The following CC2D2B variants were observed in gnomAD, a reference collection of about 807,000 sequenced individuals.
CC2D2B encodes protein CC2D2B.
CC2D2B carries 128 observed loss-of-function variants against 161.2 expected under a neutral mutation model. The ratio of observed to expected loss-of-function variants is 0.79; its 90% CI spans 0.69 to 0.92. The LOEUF is 0.92. Ranked by LOEUF, CC2D2B falls within the 40% of genes least tolerant of loss-of-function variation. The pLI, the probability that CC2D2B is intolerant of heterozygous loss-of-function variation, is 0.00. For missense variants in CC2D2B, 1,173 were observed against 1,375.1 expected (o/e 0.85, Z 2.32); for synonymous variants, 391 against 449.8 (o/e 0.87, Z 1.65).
chr10:96,005,837 A>G (rs2078724056), intron 25 of CC2D2B, among the ~76,000 whole-genome samples: 1 of 152,202 alleles, frequency 6.6e-6, no homozygotes, highest in Non-Finnish European at 1.5e-5. Flanking sequence ...AGCCACAGAA[A>G]GACCTTAAAC....
intron 6 of CC2D2B, 120 bp downstream of exon 6, chr10:95,927,452 C>T (rs2141201061): frequency 1.6e-6 from 1 of 628,660 alleles, no homozygotes; most frequent in Non-Finnish European, 2.8e-6. Context: ...CCTTCATCTT[C>T]TCTTTGAATT....
At chr10:95,993,207 TTTTA>T (rs1214536730) in intron 22 of CC2D2B, 1 of 154,946 alleles carries the variant, frequency 6.5e-6, no homozygotes, top group Non-Finnish European at 1.5e-5. Context: ...CCCCATTGGG[TTTTA>T]TTTGTGTTTT....
intron 6 of CC2D2B, among the ~76,000 whole-genome samples, chr10:95,936,425 T>C (rs898079994): frequency 1.3e-5 from 2 of 152,094 alleles, no homozygotes; most frequent in African/African-American, 4.8e-5. Flanking sequence ...AGGCCTGGGG[T>C]TACTTTCAGA....
chr10:96,032,852 G>C lies in CC2D2B; in HGVS notation c.*844G>C, dbSNP rs1040115693. 3.2e-5 allele frequency: 15 copies of C among 464,650 alleles called. No homozygotes were observed. Among genetic ancestry groups the C allele is most frequent in the African/African-American group, 2.8e-4 (14 of 49,680 alleles). The allele number at this position is 464,650 out of a possible 1,614,324, so 28.8% of individuals were successfully genotyped here. ...TCTCAGGACTCTTTTTTTCCTTAGT[G>C]AGCAGCCCCCAACTCTGCCTCTGGC... On this transcript the variant is annotated 3_prime_UTR_variant, in exon 35 of 35. Coordinates refer to ENST00000646931, the MANE Select transcript of CC2D2B (RefSeq NM_001349008.3).
chr10:95,993,895 AG>A (rs2141688363), intron 22 of CC2D2B, among the ~76,000 whole-genome samples: 4 of 112,152 alleles, frequency 3.6e-5, no homozygotes, highest in Non-Finnish European at 5.5e-5. Context: ...ATATAGAGAG[AG>A]AGAATGTGTG....
At chr10:95,947,253 C>T (rs1194713751) in intron 9 of CC2D2B, among the ~76,000 whole-genome samples, 5 of 149,586 alleles carry the variant, frequency 3.3e-5, no homozygotes, top group Non-Finnish European at 5.9e-5. Flanking sequence ...GTCGGGATTA[C>T]AGGGACCCAT....
intron 32 of CC2D2B, among the ~76,000 whole-genome samples, chr10:96,024,484 A>G (rs532210180): frequency 6.6e-6 from 1 of 152,304 alleles, no homozygotes; most frequent in African/African-American, 2.4e-5. Flanking sequence ...TCCCTATGTT[A>G]AAAACTCAGA....
intron 16 of CC2D2B, among the ~76,000 whole-genome samples, chr10:95,973,172 G>A (rs919107232): frequency 2.0e-5 from 3 of 152,198 alleles, no homozygotes; most frequent in African/African-American, 7.2e-5. Flanking sequence ...GGCAGAGAAC[G>A]AGGGAAGAAC....
chr10:95,924,778 G>T lies in CC2D2B; in HGVS notation c.175-1G>T. 3 of 1,527,642 alleles carry T rather than the reference G, an allele frequency of 2.0e-6. No individual in the cohort carries two copies. Among genetic ancestry groups the T allele is most frequent in the South Asian group, 1.2e-5 (1 of 83,366 alleles). The allele number at this position is 1,527,642 out of a possible 1,614,324, so 94.6% of individuals were successfully genotyped here. A position where few individuals can be genotyped will look rare whatever the true frequency, so the allele number is the denominator to read the frequency against. ...AAAGATTTATTTATGTTGTGTTTCA[G>T]ATTAATAAAGGTGAAAAATCTTCAA... On this transcript the variant is annotated splice_acceptor_variant, in intron 4 of 34. Coordinates refer to ENST00000646931, the MANE Select transcript of CC2D2B (RefSeq NM_001349008.3). LOFTEE classifies it high-confidence loss of function.
chr10:95,968,716 AT>A lies in CC2D2B; in HGVS notation c.1467-3del, dbSNP rs933842656. 8.6e-7 allele frequency: 1 copy of A among 1,163,186 alleles called. No individual in the cohort carries two copies. Among genetic ancestry groups the A allele is most frequent in the African/African-American group, 1.6e-5 (1 of 62,946 alleles). The allele number at this position is 1,163,186 out of a possible 1,614,324, so 72.1% of individuals were successfully genotyped here. ...TAAGGGTGATTTAAAGGTTTGTTTA[AT>A]TTTTAGGCATGAACAAAAAAGAAGA... On this transcript the variant is annotated splice_region_variant and splice_polypyrimidine_tract_variant and intron_variant, in intron 14 of 34. Transcript: ENST00000646931.
At position 96,031,904 on chromosome 10, in the gene CC2D2B, G is replaced by T; in HGVS notation, c.4210G>T (p.Glu1404Ter). Residue 1404 changes from glutamate to a stop codon, truncating the protein, a stop_gained, in exon 35 of 35, where the codon GAA (glutamate) becomes TAA (stop). Transcript: ENST00000646931. LOFTEE classifies it high-confidence loss of function. ...TTATCAAACTGGAATTCACTCTGCT[G>T]AATTTCCCCAGACAGAATTTGCTTT... Reference protein sequence around the residue: ...AVYQTGIHSAEFPQTEFALAV... With the variant: ...AVYQTGIHSA 1 of 1,613,650 alleles carries T rather than the reference G, an allele frequency of 6.2e-7. No homozygotes were observed. Among genetic ancestry groups the T allele is most frequent in the Non-Finnish European group, 8.5e-7 (1 of 1,179,642 alleles).
chr10:96,023,099 G>C (rs1381048448), intron 32 of CC2D2B, among the ~76,000 whole-genome samples: 1 of 152,164 alleles, frequency 6.6e-6, no homozygotes, highest in Non-Finnish European at 1.5e-5. Context: ...TTGTCCTCAG[G>C]GCAGACAGAA....
chr10:95,935,570 T>A (rs971040191), intron 6 of CC2D2B, among the ~76,000 whole-genome samples: 2 of 152,034 alleles, frequency 1.3e-5, no homozygotes, highest in African/African-American at 4.8e-5. Flanking sequence ...CTGGTCCCCT[T>A]AGCACCTCTC....
Position 96,031,828 on chromosome 10 carries a change from A to T in CC2D2B, c.4134A>T (p.Gly1378=). ...TTCTGTCTTTGATCCAGGTCACGGG[A>T]TTTCCCATCCAGATGCCATACATTG... is the stretch of plus-strand genomic sequence containing the variant. ...ERILQFYWVT[G]FPIQMPYIDV... The change falls in exon 35 of 35, where the codon GGA becomes GGT. Residue 1378 remains glycine (G), a synonymous_variant. Transcript: ENST00000646931. 6.2e-7 allele frequency: 1 copy of T among 1,613,064 alleles called. No homozygotes were observed. The highest frequency in any genetic ancestry group is 1.1e-5 in the South Asian group (1 of 91,008).
At chr10:95,964,114 T>G (rs554062667) in intron 12 of CC2D2B, among the ~76,000 whole-genome samples, 5 of 152,242 alleles carry the variant, frequency 3.3e-5, no homozygotes, top group African/African-American at 1.2e-4. Context: ...CCAAAGAAAC[T>G]TAAAATGAGA....
At position 95,924,837 on chromosome 10, in the gene CC2D2B, G is replaced by A. The variant is rs1482468259; in HGVS notation, c.233G>A (p.Arg78Lys). 3 of 1,542,832 alleles carry A rather than the reference G, an allele frequency of 1.9e-6. No homozygotes were observed. The highest frequency in any genetic ancestry group is 1.4e-5 in the African/African-American group (1 of 72,832). Residue 78 changes from arginine (R) to lysine (K), a missense_variant, in exon 5 of 35, where the codon AGG (arginine) becomes AAG (lysine). Arg to Lys is a conservative substitution (Grantham distance 26). Coordinates refer to ENST00000646931, the MANE Select transcript of CC2D2B (RefSeq NM_001349008.3). ...CTCATTGATAGCGAAATACATCAAA[G>A]GTCCAAGGTGAATAACTTTTCTCTT... ...EQLIDSEIHQ[R>K]SKLSPQTEVS... is the part of the protein sequence containing the mutation.
chr10:96,016,328 T>C lies in CC2D2B; in HGVS notation c.3630+14T>C. ...TCAGTGTTAGAAGTAAGTGCTGGAG[T>C]TCATATTGAAATAATGTAAGCAAAA... is the stretch of plus-strand genomic sequence containing the variant. On this transcript the variant is annotated intron_variant, in intron 30 of 34. Transcript: ENST00000646931. The C allele has an allele frequency of 6.8e-7, 1 of 1,479,888 alleles. No homozygotes were observed. The highest frequency in any genetic ancestry group is 9.5e-7 in the Non-Finnish European group (1 of 1,057,826). 91.7% of individuals were successfully genotyped at this position (1,479,888 alleles called of 1,614,324 possible). A position where few individuals can be genotyped will look rare whatever the true frequency, so the allele number is the denominator to read the frequency against.
intron 34 of CC2D2B, 106 bp from the exon 35 acceptor site, chr10:96,031,714 T>C: frequency 4.0e-6 from 4 of 997,844 alleles, no homozygotes; most frequent in Non-Finnish European, 4.6e-6. Flanking sequence ...ATTATAGTAT[T>C]TTATGAGTAC....
At chr10:95,959,940 A>G (rs1352356005) in intron 11 of CC2D2B, among the ~76,000 whole-genome samples, 1 of 152,206 alleles carries the variant, frequency 6.6e-6, no homozygotes, top group Non-Finnish European at 1.5e-5. Flanking sequence ...AAAGTGTAAT[A>G]AATACATTAT....
Sources: gnomAD v4.1 joint callset for allele counts (sites outside exome capture counted in the v4.1 genomes callset) on GRCh38, gnomAD v4.1.1 for gene constraint, MANE v1.5 for transcripts, NCBI Gene and HGNC (gene_info 2026-07-23, HGNC 2026-07-21) for gene names.